HMMR: variants seen among roughly 807,000 people sequenced by gnomAD.
The protein encoded by HMMR is hyaluronan mediated motility receptor.
Under a neutral mutation model 101.0 loss-of-function variants are expected in HMMR, and 108 were observed. The ratio of observed to expected loss-of-function variants is 1.07; its 90% CI spans 0.92 to 1.25. The LOEUF is 1.25. Among genes scored for constraint, HMMR ranks in the 50% most tolerant of loss-of-function variants. HMMR has a pLI of 0.00. For synonymous variants in HMMR, 296 were observed against 276.4 expected, an observed-to-expected ratio of 1.07 and a Z score of -0.70; for missense variants, 813 against 788.7, an observed-to-expected ratio of 1.03 and a Z score of -0.37.
At chr5:163,475,385 C>CGG (rs1759034438) in intron 10 of HMMR, 73 bp from the exon 11 acceptor site, 2 of 760,344 alleles carry the variant, frequency 2.6e-6, no homozygotes, top group Non-Finnish European at 4.3e-6. Context: ...TTTATCTGTA[C>CGG]TTTTTTTTGT....
chr5:163,461,866 T>A (rs997472948), intron 1 of HMMR, among the ~76,000 whole-genome samples: 1 of 152,124 alleles, frequency 6.6e-6, no homozygotes, highest in Non-Finnish European at 1.5e-5. Context: ...AGGAAGGTAC[T>A]GATATTGACC....
At chr5:163,484,288 G>C (rs1034502954) in intron 16 of HMMR, 43 bp downstream of exon 16, 2 of 1,026,784 alleles carry the variant, frequency 1.9e-6, no homozygotes, top group Admixed American at 5.0e-5. Context: ...TATTGGAGTG[G>C]GGGTTATTCT....
chr5:163,471,493 T>C (rs766569243), intron 7 of HMMR, 30 bp downstream of exon 7: 2 of 1,425,802 alleles, frequency 1.4e-6, no homozygotes, highest in East Asian at 4.6e-5. Flanking sequence ...GAGAAATTGT[T>C]AAGTGGAAGC....
At chr5:163,483,207 C>G (rs746005193) in intron 14 of HMMR, 35 bp downstream of exon 14, 2 of 1,599,260 alleles carry the variant, frequency 1.3e-6, no homozygotes, top group Admixed American at 3.4e-5. Flanking sequence ...GCCTTGTTAA[C>G]TCAGTTACGA....
chr5:163,469,618 A>T, intron 4 of HMMR, 23 bp from the exon 5 acceptor site: 6 of 1,594,274 alleles, frequency 3.8e-6, no homozygotes, highest in Non-Finnish European at 5.1e-6. Context: ...TGAATCATTT[A>T]TTATCACCTT....
chr5:163,481,549 G>A (rs1759264834), intron 12 of HMMR, among the ~76,000 whole-genome samples: 1 of 152,018 alleles, frequency 6.6e-6, no homozygotes, highest in African/African-American at 2.4e-5. Context: ...ATATTAACCT[G>A]TCCAAACCAA....
intron 16 of HMMR, among the ~76,000 whole-genome samples, chr5:163,486,827 C>T (rs865868004): frequency 1.3e-5 from 2 of 152,114 alleles, no homozygotes; most frequent in African/African-American, 4.8e-5. Context: ...GCCTATAATC[C>T]CAGCACTCTG....
chr5:163,483,265 C>A lies in HMMR; in HGVS notation c.1686-3C>A. 1 of 1,603,570 alleles carries A rather than the reference C, an allele frequency of 6.2e-7. No individual in the cohort carries two copies. The highest frequency in any genetic ancestry group is 1.7e-4 in the Middle Eastern group (1 of 6,028). On this transcript the variant is annotated splice_polypyrimidine_tract_variant and splice_region_variant and intron_variant, in intron 14 of 17. Coordinates refer to ENST00000393915, the MANE Select transcript of HMMR (RefSeq NM_001142556.2). ...TTTTTCTCAATTTAATTCTTCCATG[C>A]AGAAAAGCTGAAAAAGAAAATACAA...
intron 5 of HMMR, 105 bp from the exon 6 acceptor site, chr5:163,471,080 C>A: frequency 2.9e-6 from 2 of 699,822 alleles, no homozygotes; most frequent in Non-Finnish European, 4.9e-6. Flanking sequence ...ATATTAAAGT[C>A]AAAAACATAA....
Position 163,464,793 on chromosome 5 carries a change from G to C in HMMR, c.216G>C (p.Ser72=), listed in dbSNP as rs751047670. Residue 72 remains serine (S), a synonymous_variant, in exon 3 of 18, where the codon TCG becomes TCC. Transcript: ENST00000393915. ...LPASARKVKS[S]ESKKESQKND... is the part of the protein sequence containing the mutation. ...CTTCAGCTAGAAAAGTTAAGTCTTCGGAATCAAAGGTGAGGAGCTTTTATA... is the reference window on the plus strand; with the variant it reads ...CTTCAGCTAGAAAAGTTAAGTCTTCCGAATCAAAGGTGAGGAGCTTTTATA... 1 of 1,606,012 alleles carries C rather than the reference G, an allele frequency of 6.2e-7. No individual in the cohort carries two copies. Among genetic ancestry groups the C allele is most frequent in the South Asian group, 1.1e-5 (1 of 90,882 alleles).
chr5:163,475,862 A>G (rs1290643820), intron 11 of HMMR, among the ~76,000 whole-genome samples, 190 bp downstream of exon 11: 2 of 152,190 alleles, frequency 1.3e-5, no homozygotes, highest in African/African-American at 4.8e-5. Context: ...GTACATGCAA[A>G]CAAGTAAGAC....
At chr5:163,483,790 G>C (rs1193601844) in intron 15 of HMMR, among the ~76,000 whole-genome samples, 1 of 152,032 alleles carries the variant, frequency 6.6e-6, no homozygotes, top group Non-Finnish European at 1.5e-5. Context: ...GAACTTAGAA[G>C]TACAGTATTG....
Position 163,463,968 on chromosome 5 carries a change from C to A in HMMR, c.145+14C>A. On this transcript the variant is annotated intron_variant, in intron 2 of 17. Transcript: ENST00000393915. ...AACAACAAAAAGGTAATATAGATCA[C>A]CAAAGAACAATGGTTATGTGATCTT... 1.1e-6 allele frequency: 1 copy of A among 873,688 alleles called. No individual in the cohort carries two copies. Among genetic ancestry groups the A allele is most frequent in the Non-Finnish European group, 1.7e-6 (1 of 582,978 alleles). 54.1% of individuals were successfully genotyped at this position (873,688 alleles called of 1,614,324 possible).
chr5:163,482,298 C>G (rs974496812), intron 12 of HMMR, among the ~76,000 whole-genome samples: 4 of 152,188 alleles, frequency 2.6e-5, no homozygotes, highest in Admixed American at 2.6e-4. Flanking sequence ...ATGCCACCAG[C>G]TTCTGCTCCA....
In HMMR at chr5:163,474,060, A is replaced by T. The variant is rs768994182; in HGVS notation, c.908A>T (p.Asp303Val). Residue 303 changes from aspartate to valine, a missense_variant, in exon 10 of 18, where the codon GAC (aspartate) becomes GTC (valine). Transcript: ENST00000393915. Reference sequence around the variant, plus strand: ...CTTGATGTTTTGCGTTTTCTAGAAGACCATGTCAACAGGAATAGAGAACAC... The same window carrying T: ...CTTGATGTTTTGCGTTTTCTAGAAGTCCATGTCAACAGGAATAGAGAACAC... Reference protein sequence around the residue: ...KCQLLEKEKEDHVNRNREHNE... With the variant: ...KCQLLEKEKEVHVNRNREHNE... 6.2e-7 allele frequency: 1 copy of T among 1,607,122 alleles called. No homozygotes were observed. The highest frequency in any genetic ancestry group is 1.3e-5 in the African/African-American group (1 of 74,552).
At chr5:163,481,265 T>G (rs2113500084) in intron 12 of HMMR, among the ~76,000 whole-genome samples, 1 of 151,588 alleles carries the variant, frequency 6.6e-6, no homozygotes, top group East Asian at 1.9e-4. Flanking sequence ...TTTATAATTT[T>G]TATTGTATCA....
chr5:163,469,927 G>T, intron 5 of HMMR, 98 bp downstream of exon 5: 1 of 764,280 alleles, frequency 1.3e-6, no homozygotes, highest in South Asian at 2.0e-5. Context: ...CAGCATTTTG[G>T]GAGGCCAAGG....
rs369594651 is a variant in HMMR at position 163,482,651 on chromosome 5, G to A, written c.1395G>A (p.Ala465=). The A allele has an allele frequency of 1.1e-4, 183 of 1,609,896 alleles. No homozygotes were observed. The East Asian group carries it at 2.9e-3, about 26-fold the overall frequency. The change falls in exon 13 of 18, where the codon GCG becomes GCA. Residue 465 remains alanine, a synonymous_variant. Transcript: ENST00000393915. ...DVTAQFESYK[A]LTASEIEDLK... ...TTTTCTTTTTAATAAGCTATAAAGC[G>A]TTAACAGCCAGTGAGATAGAAGATC...
chr5:163,465,370 G>A (rs1167804915), intron 3 of HMMR, among the ~76,000 whole-genome samples: 1 of 151,738 alleles, frequency 6.6e-6, no homozygotes, highest in African/African-American at 2.4e-5. Context: ...GTATCACTCT[G>A]TCACCCAGGC....
Sources: allele counts gnomAD v4.1 joint callset (sites outside exome capture counted in the v4.1 genomes callset), GRCh38; gene constraint gnomAD v4.1.1; transcripts MANE v1.5; gene names NCBI Gene and HGNC (gene_info 2026-07-23, HGNC 2026-07-21).